BRWD3: variants seen among roughly 807,000 people sequenced by gnomAD.
The protein encoded by BRWD3 is bromodomain and WD repeat domain containing 3.
A neutral mutation model predicts 149.7 loss-of-function variants in BRWD3; 10 were observed. The observed-to-expected ratio is 0.07, with a 90% CI of 0.04 to 0.11. The LOEUF (loss-of-function observed/expected upper bound fraction) is 0.11, where lower values mean the gene tolerates loss of function less well. Ranked by LOEUF, BRWD3 falls within the 10% of genes least tolerant of loss-of-function variation. The pLI is 1.00. For synonymous variants in BRWD3, 504 were observed against 456.7 expected (o/e 1.10, Z -1.32); for missense variants, 940 against 1,373.2 (o/e 0.68, Z 4.99).
At chrX:80,775,278 T>C (rs182686970) in intron 6 of BRWD3, among the ~76,000 whole-genome samples, 199 of 111,789 alleles carry the variant, frequency 1.8e-3, no homozygotes, top group African/African-American at 6.0e-3. Context: ...GTAGAATAAT[T>C]GGGCCCCTAC....
In BRWD3 at chrX:80,770,852, C is replaced by A. The variant is rs1014487822; in HGVS notation, c.430+21002G>T. Among the ~76,000 whole-genome samples the A allele has an allele frequency of 5.4e-5, 6 of 111,420 alleles. No homozygotes were observed. In the Admixed American group the frequency reaches 5.7e-4, roughly 11 times the overall value. ...TGACATGACTGTGTATTTAGAAAAC[C>A]CCACTGTCTCAGCCCAAAATCTCCT... On this transcript the variant is annotated intron_variant, in intron 6 of 40. Coordinates refer to ENST00000373275, the MANE Select transcript of BRWD3 (RefSeq NM_153252.5).
intron 37 of BRWD3, among the ~76,000 whole-genome samples, chrX:80,683,640 A>T (rs1184645652): frequency 1.8e-5 from 2 of 111,857 alleles, no homozygotes; most frequent in Admixed American, 1.9e-4. Context: ...AGCAGTTACA[A>T]CTTCCCAAGA....
intron 24 of BRWD3, 31 bp from the exon 25 acceptor site, chrX:80,700,095 C>T (rs2072759523): frequency 1.9e-6 from 2 of 1,055,037 alleles, no homozygotes; most frequent in Middle Eastern, 2.9e-4. Context: ...TATTAAACAG[C>T]AGCATCCTAT....
rs750220346 is a variant in BRWD3, at chrX:80,744,029, T to C, written c.813+3A>G. The C allele has an allele frequency of 3.3e-6, 4 of 1,201,374 alleles. 1 individual carries two copies. In the South Asian group the frequency reaches 5.3e-5, roughly 16 times the overall value. On this transcript the variant is annotated splice_donor_region_variant and intron_variant, in intron 8 of 40. Coordinates refer to ENST00000373275, the MANE Select transcript of BRWD3 (RefSeq NM_153252.5). ...TCAAGCTAAATTTTATCACTTTTCT[T>C]ACCTGTATGGAAGTAATAGAAGCTG... is the stretch of plus-strand genomic sequence containing the variant.
At chrX:80,750,355 A>G (rs2073648688) in intron 6 of BRWD3, among the ~76,000 whole-genome samples, 1 of 109,989 alleles carries the variant, frequency 9.1e-6, no homozygotes, top group Non-Finnish European at 1.9e-5. Context: ...TAAGGGGTTA[A>G]TATCTAAAAT....
At chrX:80,712,962 C>G (rs1375229882) in intron 20 of BRWD3, among the ~76,000 whole-genome samples, 1 of 109,877 alleles carries the variant, frequency 9.1e-6, no homozygotes, top group Non-Finnish European at 1.9e-5. Context: ...GCACCCACCC[C>G]GTCTGGGAAG....
intron 35 of BRWD3, among the ~76,000 whole-genome samples, chrX:80,686,372 G>A (rs1407681993): frequency 1.8e-5 from 2 of 108,803 alleles, no homozygotes; most frequent in African/African-American, 3.3e-5. Context: ...GTATACGTAT[G>A]TAACAAACCT....
chrX:80,733,523 A>G (rs778065879), intron 11 of BRWD3, 27 bp from the exon 12 acceptor site: 1 of 1,137,213 alleles, frequency 8.8e-7, no homozygotes, highest in Admixed American at 2.2e-5. Flanking sequence ...ATTTTTCGTT[A>G]AAATGGACTT....
chrX:80,802,720 A>C (rs1386933049), intron 4 of BRWD3, among the ~76,000 whole-genome samples: 1 of 110,875 alleles, frequency 9.0e-6, no homozygotes, highest in Non-Finnish European at 1.9e-5. Flanking sequence ...CTGAGAGCTT[A>C]AGTAATTTCC....
chrX:80,801,409 G>T (rs200102928), intron 4 of BRWD3, among the ~76,000 whole-genome samples: 3 of 106,033 alleles, frequency 2.8e-5, no homozygotes, highest in Non-Finnish European at 5.8e-5. Context: ...GTAGAGACAG[G>T]GTTTCACCAT....
intron 6 of BRWD3, among the ~76,000 whole-genome samples, chrX:80,789,468 C>T (rs758561788): frequency 5.7e-4 from 64 of 111,813 alleles, no homozygotes; most frequent in African/African-American, 1.9e-3. Flanking sequence ...CTCCGCCTCC[C>T]GGGTTCACGC....
At chrX:80,697,095 A>T (rs2072710723) in intron 25 of BRWD3, among the ~76,000 whole-genome samples, 1 of 110,729 alleles carries the variant, frequency 9.0e-6, no homozygotes, top group Non-Finnish European at 1.9e-5. Context: ...GAAATGCTTC[A>T]AATTTAATGA....
intron 2 of BRWD3, 99 bp downstream of exon 2, chrX:80,809,147 G>A (rs954075523): frequency 1.8e-6 from 2 of 1,139,252 alleles, no homozygotes; most frequent in African/African-American, 1.8e-5. Flanking sequence ...AGTCAAGGCC[G>A]GCCTTTCCCT....
chrX:80,743,989 C>CT (rs1277872455), intron 8 of BRWD3, 43 bp downstream of exon 8: 8 of 1,066,422 alleles, frequency 7.5e-6, no homozygotes, highest in African/African-American at 1.9e-5. Context: ...GAATTCTCAC[C>CT]TTTTTTACAT....
intron 6 of BRWD3, among the ~76,000 whole-genome samples, chrX:80,758,947 C>G (rs963883692): frequency 4.5e-5 from 5 of 111,597 alleles, no homozygotes. Flanking sequence ...CCTAATATCC[C>G]CTCAAGAAAA....
chrX:80,679,357 T>C (rs1007391043), intron 40 of BRWD3, among the ~76,000 whole-genome samples: 3 of 112,535 alleles, frequency 2.7e-5, no homozygotes, highest in South Asian at 3.6e-4. Context: ...GCAAGAAAGA[T>C]GGTTATGCCA....
Position 80,684,154 on chromosome X carries a change from T to C in BRWD3, c.4089A>G (p.Gln1363=), listed in dbSNP as rs2072490734. ...QQDSSLSEDY[Q]DVIDTPVDFS... ...AGTCCACAGGAGTATCTATAACATC[T>C]TGATAATCCTACAAAGAAGAATGTG... Residue 1363 remains glutamine, a synonymous_variant, in exon 37 of 41, where the codon CAA becomes CAG. Coordinates refer to ENST00000373275, the MANE Select transcript of BRWD3 (RefSeq NM_153252.5). The C allele has an allele frequency of 1.7e-6, 2 of 1,199,211 alleles. No homozygotes were observed. The highest frequency in any genetic ancestry group is 1.7e-5 in the African/African-American group (1 of 57,461).
At chrX:80,681,646 G>A (rs1031328595) in intron 39 of BRWD3, 147 bp from the exon 40 acceptor site, 2 of 522,214 alleles carry the variant, frequency 3.8e-6, no homozygotes, top group Admixed American at 7.4e-5. Context: ...AATATTTTGA[G>A]AACAAAGGGT....
intron 12 of BRWD3, among the ~76,000 whole-genome samples, chrX:80,731,827 G>A (rs1233362571): frequency 5.0e-5 from 5 of 100,154 alleles, no homozygotes; most frequent in Middle Eastern, 5.2e-3. Flanking sequence ...CCCGGGAGGC[G>A]GAGCTTGCAG....
Sources: allele counts gnomAD v4.1 joint callset (sites outside exome capture counted in the v4.1 genomes callset), GRCh38; gene constraint gnomAD v4.1.1; transcripts MANE v1.5; gene names NCBI Gene and HGNC (gene_info 2026-07-23, HGNC 2026-07-21).